CALN1: variants seen among roughly 807,000 people sequenced by gnomAD.
The protein encoded by CALN1 is calneuron 1.
Under a neutral mutation model 30.6 loss-of-function variants are expected in CALN1, and 17 were observed. The ratio of observed to expected loss-of-function variants is 0.56; its 90% CI spans 0.38 to 0.83. CALN1 has a LOEUF of 0.83. Ranked by LOEUF, CALN1 falls within the 40% of genes least tolerant of loss-of-function variation. The probability of loss-of-function intolerance (pLI) is 0.00; values close to 1 mark genes in which losing one functional copy is unlikely to be tolerated. For missense variants in CALN1, 291 were observed against 354.9 expected, an observed-to-expected ratio of 0.82 and a Z score of 1.45; for synonymous variants, 156 against 131.4, an observed-to-expected ratio of 1.19 and a Z score of -1.28.
At chr7:72,125,295 G>C (rs11977611) in intron 3 of CALN1, among the ~76,000 whole-genome samples, 3,628 of 152,224 alleles carry the variant, frequency 0.024, 154 homozygotes, top group African/African-American at 0.082. Context: ...GATTACAGGC[G>C]TGAGCCACCA....
chr7:72,121,092 AATTATAT>A (rs904351442), intron 3 of CALN1, among the ~76,000 whole-genome samples: 2 of 147,042 alleles, frequency 1.4e-5, no homozygotes, highest in Non-Finnish European at 3.0e-5. Context: ...CTTATATATG[AATTATAT>A]ATTATATATA....
intron 2 of CALN1, among the ~76,000 whole-genome samples, chr7:72,305,660 T>C (rs1036668514): frequency 1.3e-5 from 2 of 152,228 alleles, no homozygotes; most frequent in African/African-American, 4.8e-5. Context: ...ACATTGATTG[T>C]TGAGAGTTCT....
At chr7:71,832,492 G>A (rs995688789) in intron 5 of CALN1, among the ~76,000 whole-genome samples, 3 of 152,162 alleles carry the variant, frequency 2.0e-5, no homozygotes, top group Non-Finnish European at 2.9e-5. Flanking sequence ...GTAGATATGG[G>A]CACTTATTCA....
chr7:72,385,698 T>C (rs563199103), intron 2 of CALN1, among the ~76,000 whole-genome samples: 2 of 152,196 alleles, frequency 1.3e-5, no homozygotes, highest in East Asian at 1.9e-4. Context: ...GGGGGTGGTT[T>C]CCCCCCTGCT....
At chr7:71,896,830 T>C (rs1479270375) in intron 5 of CALN1, among the ~76,000 whole-genome samples, 1 of 150,314 alleles carries the variant, frequency 6.7e-6, no homozygotes, top group Non-Finnish European at 1.5e-5. Flanking sequence ...AGAGCTGCAG[T>C]TCCCTGATAG....
intron 5 of CALN1, among the ~76,000 whole-genome samples, chr7:71,889,847 T>C (rs76700477): frequency 0.11 from 17,384 of 151,952 alleles, 1,440 homozygotes; most frequent in East Asian, 0.43. Flanking sequence ...CCTAGCTCTG[T>C]AATCCTACTC....
rs569858505 is a variant in CALN1, at chr7:72,170,230, C to G, written c.245-63936G>C. ...GCTCCTAGCCTCATGTGATCCTGCTCAACCCTTCAAGTGGCTGGGACTACA... is the reference window on the plus strand; with the variant it reads ...GCTCCTAGCCTCATGTGATCCTGCTGAACCCTTCAAGTGGCTGGGACTACA... On this transcript the variant is annotated intron_variant, in intron 3 of 6. Coordinates refer to ENST00000395275, the MANE Select transcript of CALN1 (RefSeq NM_031468.4). Among the ~76,000 whole-genome samples the G allele has an allele frequency of 4.6e-5, 7 of 152,290 alleles. No individual in the cohort carries two copies. In the East Asian group the frequency reaches 1.4e-3, roughly 29 times the overall value.
intron 2 of CALN1, among the ~76,000 whole-genome samples, chr7:72,370,764 CT>C (rs997796092): frequency 3.0e-4 from 45 of 151,470 alleles, no homozygotes; most frequent in Non-Finnish European, 4.4e-5. Flanking sequence ...AGAGAGAGCT[CT>C]TGGCTGGGCA....
chr7:72,364,418 C>G (rs1803758846), intron 2 of CALN1, among the ~76,000 whole-genome samples: 1 of 152,190 alleles, frequency 6.6e-6, no homozygotes, highest in Non-Finnish European at 1.5e-5. Context: ...AATTGTCATA[C>G]TAATTCTGGA....
chr7:71,883,766 T>A (rs71551228), intron 5 of CALN1, among the ~76,000 whole-genome samples: 17,421 of 152,202 alleles, frequency 0.11, 1,448 homozygotes, highest in East Asian at 0.43. Context: ...GAACTGTCCT[T>A]TCCCTGTGGT....
chr7:71,810,132 T>C (rs1458908988), intron 6 of CALN1, among the ~76,000 whole-genome samples: 1 of 151,944 alleles, frequency 6.6e-6, no homozygotes, highest in Non-Finnish European at 1.5e-5. Flanking sequence ...CTGCAAAAAA[T>C]GCAGAATTTG....
chr7:72,020,494 G>A lies in CALN1; in HGVS notation c.501+3163C>T, dbSNP rs557411388. Among the ~76,000 whole-genome samples, 70 of 152,242 alleles carry A rather than the reference G, an allele frequency of 4.6e-4. 1 individual carries two copies. The South Asian group carries it at 8.1e-3, about 18-fold the overall frequency. On this transcript the variant is annotated intron_variant, in intron 5 of 6. Coordinates refer to ENST00000395275, the MANE Select transcript of CALN1 (RefSeq NM_031468.4). ...GCTGTCTCTGAAGGGGCAGGCAGTC[G>A]CAGGGGGAAGAAGGGGAGGCTGATT...
intron 3 of CALN1, among the ~76,000 whole-genome samples, chr7:72,174,080 C>G (rs1039939967): frequency 6.7e-6 from 1 of 150,344 alleles, no homozygotes; most frequent in Non-Finnish European, 1.5e-5. Flanking sequence ...ATTTATATAG[C>G]TAAAAAATAA....
rs1385728281 is a variant in CALN1 at position 72,090,469 on chromosome 7, A to C, written c.388+15682T>G. On this transcript the variant is annotated intron_variant, in intron 4 of 6. Transcript: ENST00000395275. ...AAAACCGTCTATTAAAATTTGAGAGATATTACTGAGACTTTTCTCAGTGTC... is the reference window on the plus strand; with the variant it reads ...AAAACCGTCTATTAAAATTTGAGAGCTATTACTGAGACTTTTCTCAGTGTC... Among the ~76,000 whole-genome samples the C allele has an allele frequency of 5.3e-5, 8 of 152,182 alleles. No individual in the cohort carries two copies. In the East Asian group the frequency reaches 9.6e-4, roughly 18 times the overall value.
chr7:72,363,724 C>CA (rs147947394), intron 2 of CALN1, among the ~76,000 whole-genome samples: 1 of 111,862 alleles, frequency 8.9e-6, no homozygotes, highest in Non-Finnish European at 1.8e-5. Context: ...TTAAAAAAAA[C>CA]TTTTTTTTTT....
At chr7:72,068,346 A>G (rs965106031) in intron 4 of CALN1, among the ~76,000 whole-genome samples, 1 of 152,204 alleles carries the variant, frequency 6.6e-6, no homozygotes, top group Non-Finnish European at 1.5e-5. Context: ...TTATACCCCA[A>G]TGGATTTTTC....
At chr7:72,142,031 A>C (rs1221484638) in intron 3 of CALN1, among the ~76,000 whole-genome samples, 3 of 152,214 alleles carry the variant, frequency 2.0e-5, no homozygotes, top group Non-Finnish European at 2.9e-5. Context: ...TCCAGTCTAC[A>C]GCTCCCAGCG....
In CALN1 at chr7:72,062,183, T is replaced by TA. The variant is rs1371363123; in HGVS notation, c.389-38415dup. 2.6e-5 allele frequency among the ~76,000 whole-genome samples: 4 copies of TA among 152,044 alleles called. No individual in the cohort carries two copies. In the East Asian group the frequency reaches 7.7e-4, roughly 29 times the overall value. ...AAATTCATTGTCAGCACACCTGCTCTAAAAAAAATTTTAAAGGATGTTCTC... is the reference window on the plus strand; with the variant it reads ...AAATTCATTGTCAGCACACCTGCTCTAAAAAAAAATTTTAAAGGATGTTCTC... On this transcript the variant is annotated intron_variant, in intron 4 of 6. Transcript: ENST00000395275.
At chr7:71,888,432 C>CGAGAGAGAGAGA (rs113040770) in intron 5 of CALN1, among the ~76,000 whole-genome samples, 1 of 128,398 alleles carries the variant, frequency 7.8e-6, no homozygotes, top group East Asian at 2.3e-4. Context: ...AAGCCATTAT[C>CGAGAGAGAGAGA]GAGAGAGAGA....
Sources: gnomAD v4.1 joint callset for allele counts (sites outside exome capture counted in the v4.1 genomes callset) on GRCh38, gnomAD v4.1.1 for gene constraint, MANE v1.5 for transcripts, NCBI Gene and HGNC (gene_info 2026-07-23, HGNC 2026-07-21) for gene names.